The following GALNTL6 variants were observed in gnomAD, a reference collection of about 807,000 sequenced individuals.
The protein encoded by GALNTL6 is polypeptide N-acetylgalactosaminyltransferase like 6, also known as polypeptide N-acetylgalactosaminyltransferase-like 6.
In GALNTL6, 46 loss-of-function variants were observed where a neutral mutation model predicts 73.7. The observed-to-expected ratio is 0.62, with a 90% CI of 0.49 to 0.80. The LOEUF is 0.80. Ranked by LOEUF, GALNTL6 falls within the 30% of genes least tolerant of loss-of-function variation. The pLI is 0.00. For synonymous variants in GALNTL6, 259 were observed against 263.7 expected, an observed-to-expected ratio of 0.98 and a Z score of 0.17; for missense variants, 604 against 755.0, an observed-to-expected ratio of 0.80 and a Z score of 2.34.
intron 5 of GALNTL6, among the ~76,000 whole-genome samples, chr4:172,583,718 G>A (rs1737282711): frequency 1.3e-5 from 2 of 151,732 alleles, no homozygotes; most frequent in South Asian, 4.2e-4. Flanking sequence ...TGACCAACAT[G>A]GTGAAACCCC....
chr4:172,206,973 A>G (rs1028782139), intron 2 of GALNTL6, among the ~76,000 whole-genome samples: 7 of 150,070 alleles, frequency 4.7e-5, no homozygotes, highest in Non-Finnish European at 8.9e-5. Flanking sequence ...ACCCACCACC[A>G]CGCCCGGCTA....
At chr4:172,392,753 C>T (rs914907409) in intron 5 of GALNTL6, among the ~76,000 whole-genome samples, 4 of 152,188 alleles carry the variant, frequency 2.6e-5, no homozygotes, top group African/African-American at 9.7e-5. Flanking sequence ...TGAATCTCTA[C>T]TGCTTAGCTT....
chr4:172,010,000 T>A (rs1201990174), intron 2 of GALNTL6, among the ~76,000 whole-genome samples: 1 of 152,152 alleles, frequency 6.6e-6, no homozygotes, highest in Non-Finnish European at 1.5e-5. Flanking sequence ...TCAACACAAT[T>A]AGGGAGACAA....
chr4:171,930,952 C>A (rs1009181996), intron 2 of GALNTL6, among the ~76,000 whole-genome samples: 2 of 152,190 alleles, frequency 1.3e-5, no homozygotes, highest in South Asian at 4.1e-4. Flanking sequence ...GAAGGAAATA[C>A]AAGTCATCCA....
intron 5 of GALNTL6, among the ~76,000 whole-genome samples, chr4:172,450,211 C>G (rs1046056514): frequency 3.5e-5 from 3 of 86,326 alleles, no homozygotes; most frequent in Non-Finnish European, 7.2e-5. Flanking sequence ...GAGCGAAACT[C>G]CATTAAAAAA....
chr4:172,556,919 G>T (rs930327013), intron 5 of GALNTL6, among the ~76,000 whole-genome samples: 1 of 152,002 alleles, frequency 6.6e-6, no homozygotes, highest in African/African-American at 2.4e-5. Context: ...TAGGCCATTG[G>T]ACTAGACTAT....
At chr4:171,916,189 ATACAACGTTTAACATAT>A (rs1737620823) in intron 2 of GALNTL6, among the ~76,000 whole-genome samples, 1 of 152,092 alleles carries the variant, frequency 6.6e-6, no homozygotes, top group South Asian at 2.1e-4. Context: ...TGATACATGT[ATACAACGTTTAACATAT>A]AAACTAATTA....
At chr4:171,982,715 T>A (rs1455549464) in intron 2 of GALNTL6, among the ~76,000 whole-genome samples, 1 of 152,184 alleles carries the variant, frequency 6.6e-6, no homozygotes, top group East Asian at 1.9e-4. Context: ...ACATTTGACT[T>A]ACAAAGTTTT....
intron 5 of GALNTL6, among the ~76,000 whole-genome samples, chr4:172,625,220 A>C (rs1739120208): frequency 1.3e-5 from 2 of 151,878 alleles, no homozygotes; most frequent in Admixed American, 1.3e-4. Flanking sequence ...CCTTGACCTC[A>C]TTTCTCATTA....
chr4:172,692,275 C>A (rs1733355364), intron 5 of GALNTL6, among the ~76,000 whole-genome samples: 1 of 152,000 alleles, frequency 6.6e-6, no homozygotes, highest in Admixed American at 6.6e-5. Context: ...TGACTATTTG[C>A]AGATTTTTGC....
intron 5 of GALNTL6, among the ~76,000 whole-genome samples, chr4:172,798,768 CAAT>C: frequency 6.6e-6 from 1 of 152,182 alleles, no homozygotes; most frequent in Admixed American, 6.5e-5. Context: ...TGGCAAAAAA[CAAT>C]AAGAAGGTGG....
chr4:172,142,154 T>C (rs544404890), intron 2 of GALNTL6, among the ~76,000 whole-genome samples: 52 of 152,154 alleles, frequency 3.4e-4, no homozygotes, highest in Non-Finnish European at 6.0e-4. Flanking sequence ...TAATATGAAA[T>C]AATTTATCTA....
In GALNTL6 at chr4:172,931,231, T is replaced by C; in HGVS notation, c.1112T>C (p.Val371Ala). Residue 371 changes from valine (V) to alanine (A), a missense_variant, in exon 9 of 13, where the codon GTT (valine) becomes GCT (alanine). Physicochemically the swap from Val to Ala is moderately conservative, Grantham distance 64 (BLOSUM62 0). Around this residue, in one of 5 missense-constraint regions of GALNTL6, gnomAD observed 261 missense variants for 296.5 expected, o/e 0.88. Transcript: ENST00000506823. Reference protein sequence around the residue: ...SRVGHIYRKYVPYKVPSGTSL... With the variant: ...SRVGHIYRKYAPYKVPSGTSL... ...GTTGGTCATATCTACAGGAAGTACGTTCCATACAAAGTTCCATCTGGGACA... is the reference window on the plus strand; with the variant it reads ...GTTGGTCATATCTACAGGAAGTACGCTCCATACAAAGTTCCATCTGGGACA... 1 of 1,611,502 alleles carries C rather than the reference T, an allele frequency of 6.2e-7. No individual in the cohort carries two copies. The highest frequency in any genetic ancestry group is 8.5e-7 in the Non-Finnish European group (1 of 1,177,650).
At chr4:173,039,875 G>C in intron 12 of GALNTL6, 58 bp from the exon 13 acceptor site, 1 of 1,332,304 alleles carries the variant, frequency 7.5e-7, no homozygotes, top group Non-Finnish European at 1.0e-6. Context: ...TATATTTTGG[G>C]TTGTAACCAT....
chr4:172,879,234 A>G (rs1745338576), intron 7 of GALNTL6, among the ~76,000 whole-genome samples: 1 of 151,902 alleles, frequency 6.6e-6, no homozygotes, highest in Admixed American at 6.6e-5. Context: ...CATAAAATCA[A>G]TAAGCATATA....
chr4:173,028,238 A>G (rs1003358936), intron 12 of GALNTL6, among the ~76,000 whole-genome samples: 2 of 152,222 alleles, frequency 1.3e-5, no homozygotes, highest in Non-Finnish European at 2.9e-5. Context: ...GTACTAAAAC[A>G]TTATAAAAGC....
chr4:173,025,575 T>C (rs1227257325), intron 12 of GALNTL6, among the ~76,000 whole-genome samples: 1 of 152,174 alleles, frequency 6.6e-6, no homozygotes, highest in African/African-American at 2.4e-5. Context: ...GTCTTTCCCC[T>C]TCCCCTTCCC....
At position 172,568,949 on chromosome 4, in the gene GALNTL6, AGTGTATTTTAT is replaced by A. The variant is rs1425446035; in HGVS notation, c.553+220265_553+220275del. Among the ~76,000 whole-genome samples the A allele has an allele frequency of 3.3e-5, 5 of 151,492 alleles. No individual in the cohort carries two copies. In the South Asian group the frequency reaches 6.3e-4, roughly 19 times the overall value. ...TAGCTCATTATCTACTGTTAGTGTT[AGTGTATTTTAT>A]GTGTGGCCCAAGAGAATTCTTCTTC... On this transcript the variant is annotated intron_variant, in intron 5 of 12. Transcript: ENST00000506823.
chr4:172,429,875 C>T (rs2111379662), intron 5 of GALNTL6, among the ~76,000 whole-genome samples: 1 of 152,214 alleles, frequency 6.6e-6, no homozygotes, highest in Non-Finnish European at 1.5e-5. Flanking sequence ...TAATAATTGT[C>T]TATAAATACT....
Sources: gnomAD v4.1 joint callset for allele counts (sites outside exome capture counted in the v4.1 genomes callset) on GRCh38, gnomAD v4.1.1 for gene constraint, gnomAD v4.1.1 regional missense constraint, MANE v1.5 for transcripts, NCBI Gene and HGNC (gene_info 2026-07-23, HGNC 2026-07-21) for gene names.